Variants in STK3 observed in about 807,000 individuals in gnomAD.
STK3 encodes serine/threonine kinase 3.
STK3 carries 41 observed loss-of-function variants against 58.0 expected under a neutral mutation model. The observed-to-expected ratio is 0.71, with a 90% CI of 0.55 to 0.92. The LOEUF (loss-of-function observed/expected upper bound fraction) is 0.92. Ranked by LOEUF, STK3 falls within the 40% of genes least tolerant of loss-of-function variation. STK3 has a pLI of 0.00. For synonymous variants in STK3, 170 were observed against 191.0 expected (o/e 0.89, Z 0.91); for missense variants, 479 against 602.7 (o/e 0.79, Z 2.15).
At position 98,639,531 on chromosome 8, in the gene STK3, T is replaced by C. The variant is rs560007525; in HGVS notation, c.685-43362A>G. ...ACATGACACTGTGAAAGCTTTCTTCTAACACAGGAATTTTTAGACCTTCAC... is the reference window on the plus strand; with the variant it reads ...ACATGACACTGTGAAAGCTTTCTTCCAACACAGGAATTTTTAGACCTTCAC... On this transcript the variant is annotated intron_variant, in intron 6 of 10. Coordinates refer to ENST00000419617, the MANE Select transcript of STK3 (RefSeq NM_006281.4). 1.4e-3 allele frequency among the ~76,000 whole-genome samples: 206 copies of C among 152,344 alleles called. 1 individual carries two copies. The highest frequency in any genetic ancestry group is 2.6e-3 in the Non-Finnish European group (175 of 68,028).
intron 3 of STK3, chr8:98,429,232 G>T: frequency 6.2e-7 from 1 of 1,613,956 alleles, no homozygotes; most frequent in Non-Finnish European, 8.5e-7. Context: ...CACTTTTACC[G>T]GCGCCAAAAG....
chr8:98,584,760 G>C (rs1814327120), intron 7 of STK3, among the ~76,000 whole-genome samples: 1 of 149,020 alleles, frequency 6.7e-6, no homozygotes, highest in Non-Finnish European at 1.5e-5. Context: ...TCCAGCACCT[G>C]TTGTTTCCTG....
chr8:98,430,684 G>C (rs775272881), intron 3 of STK3: 3 of 167,142 alleles, frequency 1.8e-5, no homozygotes, highest in Non-Finnish European at 4.4e-5. Context: ...GCTTACCCAG[G>C]ATGGAAACAC....
chr8:98,671,386 G>C (rs1030327890), intron 6 of STK3, among the ~76,000 whole-genome samples: 2 of 152,078 alleles, frequency 1.3e-5, no homozygotes, highest in Non-Finnish European at 2.9e-5. Flanking sequence ...CATACAAATG[G>C]AAATGCCATA....
At position 98,888,754 on chromosome 8, in the gene STK3, C is replaced by T. The variant is rs1472176344; in HGVS notation, c.-78-4920G>A. On this transcript the variant is annotated intron_variant, in intron 1 of 1. Transcript: ENST00000519420. ...GCAAATTAACTAGAATGTCTCCAGTCTGTGTTAGATAGAACCTGAAAACGG... is the reference window on the plus strand; with the variant it reads ...GCAAATTAACTAGAATGTCTCCAGTTTGTGTTAGATAGAACCTGAAAACGG... Among the ~76,000 whole-genome samples, 4 of 152,196 alleles carry T rather than the reference C, an allele frequency of 2.6e-5. No individual in the cohort carries two copies. The East Asian group carries it at 7.7e-4, about 29-fold the overall frequency.
At chr8:98,406,223 G>C (rs891037373) in intron 3 of STK3, among the ~76,000 whole-genome samples, 2 of 146,964 alleles carry the variant, frequency 1.4e-5, no homozygotes, top group African/African-American at 2.5e-5. Context: ...TTCCCCCCAG[G>C]CATTTTATTT....
At chr8:98,400,855 G>A (rs779811243), downstream of STK3, among the ~76,000 whole-genome samples, 8 of 152,086 alleles carry the variant, frequency 5.3e-5, no homozygotes, top group Non-Finnish European at 1.0e-4. Flanking sequence ...CTCAACATCT[G>A]TGAAATGTCC....
intron 6 of STK3, among the ~76,000 whole-genome samples, chr8:98,616,652 G>T (rs1329966776): frequency 3.4e-5 from 5 of 149,138 alleles, no homozygotes; most frequent in Non-Finnish European, 7.4e-5. Context: ...AAAAGGCAGG[G>T]GTTGCAATCC....
intron 1 of STK3, among the ~76,000 whole-genome samples, chr8:98,915,919 A>G (rs1362363876): frequency 6.6e-6 from 1 of 152,170 alleles, no homozygotes; most frequent in African/African-American, 2.4e-5. Flanking sequence ...TCCAGAAACT[A>G]TGAAAGGCAG....
At chr8:98,821,345 C>T (rs557235707) in intron 1 of STK3, among the ~76,000 whole-genome samples, 2 of 152,166 alleles carry the variant, frequency 1.3e-5, no homozygotes, top group African/African-American at 4.8e-5. Flanking sequence ...CCCAACCAAA[C>T]CATCTGTGCA....
At chr8:98,779,730 G>C (rs1323660159) in intron 1 of STK3, among the ~76,000 whole-genome samples, 1 of 152,114 alleles carries the variant, frequency 6.6e-6, no homozygotes, top group Non-Finnish European at 1.5e-5. Flanking sequence ...CCTGAATAAA[G>C]CATCAATGTT....
chr8:98,941,964 CG>C (rs1644774475), intron 1 of STK3, among the ~76,000 whole-genome samples: 9 of 152,220 alleles, frequency 5.9e-5, no homozygotes, highest in Admixed American at 5.9e-4. Context: ...GAGACAGCCT[CG>C]GGGGCACAGC....
At chr8:98,870,294 T>G (rs1837322208) in intron 3 of STK3, among the ~76,000 whole-genome samples, 1 of 152,234 alleles carries the variant, frequency 6.6e-6, no homozygotes, top group Admixed American at 6.5e-5. Context: ...ATAGTGCCGC[T>G]ATAAACATAT....
At chr8:98,371,481 A>G (rs1026869488) in exon 3 of STK3, 1 of 152,256 alleles carries the variant, frequency 6.6e-6, no homozygotes. Context: ...TCGAAAGCAC[A>G]TGTTCTTTGT....
At chr8:98,497,119 A>T (rs890895742) in intron 10 of STK3, among the ~76,000 whole-genome samples, 1 of 152,164 alleles carries the variant, frequency 6.6e-6, no homozygotes, top group African/African-American at 2.4e-5. Flanking sequence ...TCAGTGGAAC[A>T]CAATTGAGGG....
At chr8:98,525,606 T>C (rs930055029) in intron 10 of STK3, among the ~76,000 whole-genome samples, 3 of 152,080 alleles carry the variant, frequency 2.0e-5, no homozygotes, top group Non-Finnish European at 4.4e-5. Context: ...TAAAGATGTA[T>C]TGATTTTATT....
At chr8:98,501,460 T>C (rs886941508) in intron 10 of STK3, among the ~76,000 whole-genome samples, 1 of 152,260 alleles carries the variant, frequency 6.6e-6, no homozygotes, top group Non-Finnish European at 1.5e-5. Flanking sequence ...TTTGGTGTTT[T>C]AGTCATAAAG....
intron 4 of STK3, among the ~76,000 whole-genome samples, chr8:98,728,611 TG>T (rs1269701852): frequency 6.6e-6 from 1 of 152,162 alleles, no homozygotes; most frequent in African/African-American, 2.4e-5. Context: ...CTTTCCCACA[TG>T]AAAAGATTCC....
intron 6 of STK3, among the ~76,000 whole-genome samples, chr8:98,685,824 A>G (rs908110681): frequency 1.3e-5 from 2 of 151,986 alleles, no homozygotes; most frequent in Non-Finnish European, 2.9e-5. Context: ...TCACCTACAC[A>G]CCCTGTCAGG....
Sources: gnomAD v4.1 joint callset for allele counts (sites outside exome capture counted in the v4.1 genomes callset) on GRCh38, gnomAD v4.1.1 for gene constraint, MANE v1.5 for transcripts, NCBI Gene and HGNC (gene_info 2026-07-23, HGNC 2026-07-21) for gene names.